DNAJC27: variants seen among roughly 807,000 people sequenced by gnomAD.
The protein encoded by DNAJC27 is DnaJ heat shock protein family (Hsp40) member C27.
In DNAJC27, 25 loss-of-function variants were observed where a neutral mutation model predicts 31.4. The ratio of observed to expected loss-of-function variants is 0.80; its 90% CI spans 0.58 to 1.11. DNAJC27 has a LOEUF of 1.11. DNAJC27 is among the 50% of genes most tolerant of loss of function. DNAJC27 has a pLI of 0.00. For missense variants in DNAJC27, 356 were observed against 347.3 expected (o/e 1.02, Z -0.20); for synonymous variants, 106 against 112.7 (o/e 0.94, Z 0.37).
intron 5 of DNAJC27, among the ~76,000 whole-genome samples, chr2:24,954,044 G>A (rs1395804834): frequency 6.6e-6 from 1 of 152,166 alleles, no homozygotes; most frequent in East Asian, 1.9e-4. Context: ...ATCACAGAGA[G>A]CTGGAGTCTG....
At position 24,957,931 on chromosome 2, in the gene DNAJC27, A is replaced by G; in HGVS notation, c.284T>C (p.Val95Ala). ...GGAGTCTTTCTGCCCAACATCATAG[A>G]CCAGTATCACACCCTGTGTGTCCTT... ...FYKDTQGVIL[V>A]YDVGQKDSFD... is the part of the protein sequence containing the mutation. Residue 95 changes from valine to alanine, a missense_variant, in exon 4 of 7, where the codon GTC becomes GCC. Physicochemically the swap from Val to Ala is moderately conservative, Grantham distance 64. Transcript: ENST00000264711. 3 of 1,614,160 alleles carry G rather than the reference A, an allele frequency of 1.9e-6. No homozygotes were observed. Among genetic ancestry groups the G allele is most frequent in the Non-Finnish European group, 2.5e-6 (3 of 1,180,012 alleles).
In DNAJC27 at chr2:24,951,507, G is replaced by A. The variant is rs777504779; in HGVS notation, c.576C>T (p.Arg192=). The part of the protein sequence containing the change: ...IVDLCENGGK[R]PTTNSSASFT... ...AACTAGCACTGCTATTGGTGGTAGG[G>A]CGTTTCCCGCCATTTTCACATAAAT... is the stretch of plus-strand genomic sequence containing the variant. Residue 192 remains arginine, a synonymous_variant, in exon 6 of 7, where the codon CGC becomes CGT. Coordinates refer to ENST00000264711, the MANE Select transcript of DNAJC27 (RefSeq NM_016544.3). 5.6e-5 allele frequency: 90 copies of A among 1,613,320 alleles called. 1 individual carries two copies. The South Asian group carries it at 9.8e-4, about 18-fold the overall frequency.
At chr2:24,970,915 C>T (rs925867590) in intron 1 of DNAJC27, among the ~76,000 whole-genome samples, 2 of 152,190 alleles carry the variant, frequency 1.3e-5, no homozygotes, top group African/African-American at 4.8e-5. Context: ...CTCCTGGGTG[C>T]CAGGCACTGG....
chr2:24,952,310 T>A (rs1192362330), intron 5 of DNAJC27, among the ~76,000 whole-genome samples: 1 of 152,200 alleles, frequency 6.6e-6, no homozygotes, highest in Non-Finnish European at 1.5e-5. Flanking sequence ...TATACACAGA[T>A]CCATACTCTT....
At chr2:24,966,460 A>AT (rs535359239) in intron 2 of DNAJC27, among the ~76,000 whole-genome samples, 94 of 148,922 alleles carry the variant, frequency 6.3e-4, no homozygotes, top group African/African-American at 2.2e-3. Flanking sequence ...TTCCCAATTC[A>AT]TTTTTTTTTT....
Position 24,944,530 on chromosome 2 carries a change from T to C in DNAJC27, c.*3086A>G, listed in dbSNP as rs1043534781. 3.9e-5 allele frequency: 6 copies of C among 152,628 alleles called. No homozygotes were observed. Among genetic ancestry groups the C allele is most frequent in the African/African-American group, 1.4e-4 (6 of 41,444 alleles). The allele number at this position is 152,628 out of a possible 1,614,324, so 9.5% of individuals were successfully genotyped here. ...GTTACTTAGTTGAGAATTCAATATATGAGAACATACTAGAGTAAGTTTCCT... is the reference window on the plus strand; with the variant it reads ...GTTACTTAGTTGAGAATTCAATATACGAGAACATACTAGAGTAAGTTTCCT... On this transcript the variant is annotated 3_prime_UTR_variant, in exon 7 of 7. Coordinates refer to ENST00000264711, the MANE Select transcript of DNAJC27 (RefSeq NM_016544.3).
chr2:24,952,498 T>C (rs966156738), intron 5 of DNAJC27, among the ~76,000 whole-genome samples: 1 of 152,230 alleles, frequency 6.6e-6, no homozygotes, highest in African/African-American at 2.4e-5. Context: ...AACTCTCTAT[T>C]CTTGGACAAG....
intron 3 of DNAJC27, among the ~76,000 whole-genome samples, chr2:24,958,378 T>G (rs1665958973): frequency 6.6e-6 from 1 of 152,160 alleles, no homozygotes; most frequent in Non-Finnish European, 1.5e-5. Context: ...GTACAGCCAT[T>G]TATAAATCAC....
chr2:24,947,540 C>T lies in DNAJC27; in HGVS notation c.*76G>A. The T allele has an allele frequency of 6.6e-7, 1 of 1,507,814 alleles. No individual in the cohort carries two copies. Among genetic ancestry groups the T allele is most frequent in the South Asian group, 1.3e-5 (1 of 77,400 alleles). 93.4% of individuals were successfully genotyped at this position (1,507,814 alleles called of 1,614,324 possible). On this transcript the variant is annotated 3_prime_UTR_variant, in exon 7 of 7. Transcript: ENST00000264711. ...AGCAGTGAGATTCTGGGAAGGAAAA[C>T]TCCACGTTGGTTATTTCACCTCTAG...
intron 3 of DNAJC27, among the ~76,000 whole-genome samples, chr2:24,958,929 A>C (rs1343998802): frequency 4.6e-5 from 7 of 152,244 alleles, no homozygotes; most frequent in Non-Finnish European, 8.8e-5. Context: ...ACTCAGACCC[A>C]CACAAGCTAT....
In DNAJC27 at chr2:24,957,084, T is replaced by G. The variant is rs145674750; in HGVS notation, c.487A>C (p.Thr163Pro). Residue 163 changes from threonine to proline, a missense_variant, in exon 5 of 7, where the codon ACT becomes CCT. Coordinates refer to ENST00000264711, the MANE Select transcript of DNAJC27 (RefSeq NM_016544.3). Reference protein sequence around the residue: ...AESKGFLYFETSAQTGEGINE... With the variant: ...AESKGFLYFEPSAQTGEGINE... ...ATGCCTTCTCCAGTTTGTGCTGAAG[T>G]TTCAAAGTACAGGAACCCTTTGCTT... 1 of 1,610,184 alleles carries G rather than the reference T, an allele frequency of 6.2e-7. No individual in the cohort carries two copies. Among genetic ancestry groups the G allele is most frequent in the Non-Finnish European group, 8.5e-7 (1 of 1,178,684 alleles).
intron 2 of DNAJC27, among the ~76,000 whole-genome samples, chr2:24,964,346 C>T (rs535183263): frequency 2.0e-5 from 3 of 149,740 alleles, no homozygotes; most frequent in East Asian, 3.9e-4. Flanking sequence ...GGCATGAACC[C>T]GGGAGGTGGA....
At chr2:24,968,597 C>T (rs1285408651) in intron 1 of DNAJC27, among the ~76,000 whole-genome samples, 1 of 151,954 alleles carries the variant, frequency 6.6e-6, no homozygotes, top group African/African-American at 2.4e-5. Context: ...CCGCCTCGGT[C>T]TCCCAAAGTG....
At chr2:24,971,997 G>T, upstream of DNAJC27, 1 of 915,450 alleles carries the variant, frequency 1.1e-6, no homozygotes, top group Non-Finnish European at 1.5e-6. Context: ...CGGAGCCGCT[G>T]CTCTCGTCAC....
rs557543873 is a variant in DNAJC27, at chr2:24,966,470, T to G, written c.170+741A>C. Among the ~76,000 whole-genome samples the G allele has an allele frequency of 6.6e-5, 10 of 152,268 alleles. No homozygotes were observed. In the South Asian group the frequency reaches 2.1e-3, roughly 32 times the overall value. On this transcript the variant is annotated intron_variant, in intron 2 of 6. Coordinates refer to ENST00000264711, the MANE Select transcript of DNAJC27 (RefSeq NM_016544.3). ...TACTTTTCCCAATTCATTTTTTTTTTCTTTTTTTGTGATGAAGTCTCACTG... is the reference window on the plus strand; with the variant it reads ...TACTTTTCCCAATTCATTTTTTTTTGCTTTTTTTGTGATGAAGTCTCACTG...
chr2:24,953,584 C>CTTT, intron 5 of DNAJC27: 2 of 380,866 alleles, frequency 5.3e-6, no homozygotes, highest in Non-Finnish European at 7.1e-6. Flanking sequence ...TTCTTGTTAG[C>CTTT]TTTTTTTTTT....
At chr2:24,954,685 C>T (rs1008998549) in intron 5 of DNAJC27, among the ~76,000 whole-genome samples, 1 of 152,206 alleles carries the variant, frequency 6.6e-6, no homozygotes, top group Non-Finnish European at 1.5e-5. Context: ...TGCCTGTAAT[C>T]CCAGCACTGT....
chr2:24,964,093 A>G (rs1456607713), intron 2 of DNAJC27, among the ~76,000 whole-genome samples: 2 of 152,118 alleles, frequency 1.3e-5, no homozygotes, highest in African/African-American at 4.8e-5. Flanking sequence ...ATGAAAAATC[A>G]CCATTGGAAA....
At chr2:24,961,291 A>G (rs191249567) in intron 3 of DNAJC27, among the ~76,000 whole-genome samples, 2 of 152,344 alleles carry the variant, frequency 1.3e-5, no homozygotes, top group East Asian at 3.9e-4. Context: ...CCTACTACTC[A>G]GAAAAAAGGA....
Sources: allele counts gnomAD v4.1 joint callset (sites outside exome capture counted in the v4.1 genomes callset), GRCh38; gene constraint gnomAD v4.1.1; transcripts MANE v1.5; gene names NCBI Gene and HGNC (gene_info 2026-07-23, HGNC 2026-07-21).